SMURF1: variants seen among roughly 807,000 people sequenced by gnomAD.
SMURF1 encodes the protein E3 ubiquitin-protein ligase SMURF1.
Under a neutral mutation model 98.0 loss-of-function variants are expected in SMURF1, and 44 were observed. The observed-to-expected ratio is 0.45, with a 90% CI of 0.35 to 0.58. The LOEUF (loss-of-function observed/expected upper bound fraction) is 0.58. Among genes scored for constraint, SMURF1 ranks in the 20% least tolerant of loss-of-function variants. SMURF1 has a pLI of 0.00. For missense variants in SMURF1, 687 were observed against 938.4 expected (o/e 0.73, Z 3.50); for synonymous variants, 396 against 374.9 (o/e 1.06, Z -0.65).
intron 5 of SMURF1, among the ~76,000 whole-genome samples, chr7:99,056,522 A>G (rs145873313): frequency 1.3e-3 from 203 of 152,322 alleles, no homozygotes; most frequent in Middle Eastern, 6.8e-3. Flanking sequence ...TGCTTTTTAC[A>G]TATATGATGG....
intron 1 of SMURF1, among the ~76,000 whole-genome samples, chr7:99,114,667 A>G (rs1056281780): frequency 2.6e-5 from 4 of 152,224 alleles, no homozygotes; most frequent in Non-Finnish European, 5.9e-5. Flanking sequence ...CCTAACGGAC[A>G]TATACAGGAC....
intron 1 of SMURF1, among the ~76,000 whole-genome samples, chr7:99,132,532 ACAG>A (rs1197310769): frequency 6.6e-6 from 1 of 152,170 alleles, no homozygotes; most frequent in East Asian, 1.9e-4. Flanking sequence ...TGCTATGAAG[ACAG>A]CAGAATAGGC....
At chr7:99,068,355 A>G (rs916502358) in intron 1 of SMURF1, among the ~76,000 whole-genome samples, 3 of 152,332 alleles carry the variant, frequency 2.0e-5, no homozygotes, top group East Asian at 1.9e-4. Context: ...CAGGGGCACA[A>G]TCATGGCTGA....
chr7:99,122,614 A>G (rs987027534), intron 1 of SMURF1, among the ~76,000 whole-genome samples: 23 of 148,278 alleles, frequency 1.6e-4, no homozygotes, highest in African/African-American at 5.2e-4. Flanking sequence ...ATTGCACTCC[A>G]GCCTGGGTGA....
At chr7:99,035,846 G>T in intron 15 of SMURF1, 130 bp from the exon 16 acceptor site, 1 of 843,106 alleles carries the variant, frequency 1.2e-6, no homozygotes, top group Non-Finnish European at 1.9e-6. Context: ...GTACTAGGCA[G>T]ATGTTGAGAC....
chr7:99,051,100 T>C (rs992553256), intron 8 of SMURF1: 24 of 1,064,824 alleles, frequency 2.3e-5, no homozygotes, highest in Admixed American at 4.7e-5. Context: ...TTAGTGATCA[T>C]AAGGAATTGC....
chr7:99,112,001 C>T (rs73709550), intron 1 of SMURF1, among the ~76,000 whole-genome samples: 8,763 of 152,126 alleles, frequency 0.058, 838 homozygotes, highest in African/African-American at 0.2. Context: ...ATTTAATGTA[C>T]TCATTGCTAT....
In SMURF1 at chr7:99,052,289, G is replaced by A; in HGVS notation, c.637C>T (p.Arg213Ter). 2.5e-6 allele frequency: 4 copies of A among 1,612,396 alleles called. No individual in the cohort carries two copies. Among genetic ancestry groups the A allele is most frequent in the Admixed American group, 1.7e-5 (1 of 59,850 alleles). The part of the protein sequence containing the change: ...QDQRLQAQRL[R>*]NPDVRGSLQT... ...AGTGAACCTCGCACATCAGGGTTTC[G>A]AAGCCGCTGTGCCTGAAGTCTTTGA... Residue 213 changes from arginine to a stop codon, truncating the protein, a stop_gained, in exon 7 of 18, where the codon CGA becomes TGA. Coordinates refer to ENST00000361368, the MANE Select transcript of SMURF1 (RefSeq NM_181349.3). LOFTEE classifies it high-confidence loss of function.
At chr7:99,050,650 C>T (rs1472703947) in intron 8 of SMURF1, 1 of 333,082 alleles carries the variant, frequency 3.0e-6, no homozygotes, top group Non-Finnish European at 5.5e-6. Flanking sequence ...CCTGTCATTT[C>T]TAACAGGGGG....
In SMURF1 at chr7:99,070,099, G is replaced by A. The variant is rs369638560; in HGVS notation, c.56-8262C>T. Among the ~76,000 whole-genome samples, 6 of 152,136 alleles carry A rather than the reference G, an allele frequency of 3.9e-5. No individual in the cohort carries two copies. The East Asian group carries it at 5.8e-4, about 15-fold the overall frequency. On this transcript the variant is annotated intron_variant, in intron 1 of 17. Coordinates refer to ENST00000361368, the MANE Select transcript of SMURF1 (RefSeq NM_181349.3). ...CAATTGCACTAAATTAAAAATAAATGACAAAATCATGTGAACTATTTGCCA... is the reference window on the plus strand; with the variant it reads ...CAATTGCACTAAATTAAAAATAAATAACAAAATCATGTGAACTATTTGCCA...
intron 17 of SMURF1, chr7:99,031,355 A>T (rs1351012731): frequency 6.6e-6 from 1 of 152,226 alleles, no homozygotes; most frequent in Non-Finnish European, 1.5e-5. Context: ...GGGGAAGCTC[A>T]TTTCCAGTAT....
At chr7:99,084,067 T>C (rs962505616) in intron 1 of SMURF1, among the ~76,000 whole-genome samples, 1 of 152,262 alleles carries the variant, frequency 6.6e-6, no homozygotes, top group Non-Finnish European at 1.5e-5. Flanking sequence ...AACAGATTAC[T>C]TGTCCAAGAC....
chr7:99,042,135 C>T lies in SMURF1; in HGVS notation c.1354G>A (p.Asp452Asn). The change falls in exon 12 of 18, where the codon GAT becomes AAT. Residue 452 changes from aspartate to asparagine, a missense_variant. Coordinates refer to ENST00000361368, the MANE Select transcript of SMURF1 (RefSeq NM_181349.3). Reference sequence around the variant, plus strand: ...ATACTTACGGGGTTGATTGAAGAATCCGGATTTATTTGCAACATGTAAATA... The same window carrying T: ...ATACTTACGGGGTTGATTGAAGAATTCGGATTTATTTGCAACATGTAAATA... Reference protein sequence around the residue: ...DNIYMLQINPDSSINPDHLSY... With the variant: ...DNIYMLQINPNSSINPDHLSY... The T allele has an allele frequency of 6.2e-7, 1 of 1,613,566 alleles. No individual in the cohort carries two copies. Among genetic ancestry groups the T allele is most frequent in the Non-Finnish European group, 8.5e-7 (1 of 1,179,638 alleles).
At position 99,135,913 on chromosome 7, in the gene SMURF1, A is replaced by C. The variant is rs1284310883; in HGVS notation, c.55+7813T>G. Reference sequence around the variant, plus strand: ...TCTTGTCTCATCACAGAAGATTTTCAATCTCTTTGATCTGCCACTCTTCTA... The same window carrying C: ...TCTTGTCTCATCACAGAAGATTTTCCATCTCTTTGATCTGCCACTCTTCTA... On this transcript the variant is annotated intron_variant, in intron 1 of 17. Transcript: ENST00000361368. 2.6e-5 allele frequency among the ~76,000 whole-genome samples: 4 copies of C among 152,224 alleles called. No homozygotes were observed. The East Asian group carries it at 7.7e-4, about 29-fold the overall frequency.
At chr7:99,035,905 C>G in intron 15 of SMURF1, 189 bp from the exon 16 acceptor site, 1 of 616,484 alleles carries the variant, frequency 1.6e-6, no homozygotes, top group Non-Finnish European at 2.8e-6. Flanking sequence ...TTCCGTCCGC[C>G]TCCTCCAAAC....
chr7:99,062,841 C>CT (rs1796064502), intron 1 of SMURF1, among the ~76,000 whole-genome samples: 1 of 151,970 alleles, frequency 6.6e-6, no homozygotes, highest in Non-Finnish European at 1.5e-5. Context: ...GAGCGAGACT[C>CT]TGTCTCCAAA....
intron 1 of SMURF1, among the ~76,000 whole-genome samples, chr7:99,076,798 C>T (rs939098738): frequency 9.2e-5 from 14 of 151,906 alleles, no homozygotes; most frequent in African/African-American, 2.4e-4. Flanking sequence ...TGTGTGTGTG[C>T]GCATGTGTGC....
At chr7:99,059,402 AAAAATAAAAT>A (rs59050463) in intron 3 of SMURF1, among the ~76,000 whole-genome samples, 4,074 of 77,318 alleles carry the variant, frequency 0.053, 275 homozygotes, top group South Asian at 0.086. Context: ...CATCTCAAAA[AAAAATAAAAT>A]AAAATAAAAT....
chr7:99,107,220 GA>G (rs763684586), intron 1 of SMURF1, among the ~76,000 whole-genome samples: 5 of 152,122 alleles, frequency 3.3e-5, no homozygotes, highest in Non-Finnish European at 5.9e-5. Flanking sequence ...GCCTCTTATA[GA>G]AAGCATTCTT....
Sources: gnomAD v4.1 joint callset for allele counts (sites outside exome capture counted in the v4.1 genomes callset) on GRCh38, gnomAD v4.1.1 for gene constraint, MANE v1.5 for transcripts, NCBI Gene and HGNC (gene_info 2026-07-23, HGNC 2026-07-21) for gene names.